CEP295: variants seen among roughly 807,000 people sequenced by gnomAD.
CEP295 encodes centrosomal protein of 295 kDa.
A neutral mutation model predicts 291.6 loss-of-function variants in CEP295; 190 were observed. The observed-to-expected ratio is 0.65, with a 90% CI of 0.58 to 0.73. The LOEUF (loss-of-function observed/expected upper bound fraction) is 0.73. Ranked by LOEUF, CEP295 falls within the 30% of genes least tolerant of loss-of-function variation. The probability of loss-of-function intolerance (pLI) is 0.00; values close to 1 mark genes in which losing one functional copy is unlikely to be tolerated. For missense variants in CEP295, 2,863 were observed against 2,949.4 expected, an observed-to-expected ratio of 0.97 and a Z score of 0.68; for synonymous variants, 993 against 1,038.8, an observed-to-expected ratio of 0.96 and a Z score of 0.85.
At chr11:93,704,416 T>C (rs2135169351) in intron 17 of CEP295, among the ~76,000 whole-genome samples, 1 of 152,166 alleles carries the variant, frequency 6.6e-6, no homozygotes, top group East Asian at 1.9e-4. Context: ...GAGACCAGCC[T>C]GGTGTAATGC....
At position 93,729,776 on chromosome 11, in the gene CEP295, CTATAAG is replaced by C; in HGVS notation, c.7566_7567+4del. ...ATCAAAACAGTTAAAGAGAAACCAT[CTATAAG>C]TATGTTGAATTTTTAAAATCTTCAA... is the stretch of plus-strand genomic sequence containing the variant. On this transcript the variant is annotated splice_donor_variant and coding_sequence_variant, in exon 27 of 30. Coordinates refer to ENST00000325212, the MANE Select transcript of CEP295 (RefSeq NM_033395.2). LOFTEE classifies it high-confidence loss of function. 2 of 1,540,360 alleles carry C rather than the reference CTATAAG, an allele frequency of 1.3e-6. No individual in the cohort carries two copies. The highest frequency in any genetic ancestry group is 8.8e-7 in the Non-Finnish European group (1 of 1,141,896).
chr11:93,729,361 C>CT, intron 25 of CEP295, 73 bp from the exon 26 acceptor site: 1 of 1,038,310 alleles, frequency 9.6e-7, no homozygotes, highest in Non-Finnish European at 1.5e-6. Context: ...CCGCTGCACT[C>CT]TAATCTGACA....
Position 93,691,628 on chromosome 11 carries a change from T to G in CEP295, c.1337-55T>G. Reference sequence around the variant, plus strand: ...TAATACCAGAATTTTGTTATTTTGCTTTAAGTTTGACAATGATTATATATT... The same window carrying G: ...TAATACCAGAATTTTGTTATTTTGCGTTAAGTTTGACAATGATTATATATT... On this transcript the variant is annotated intron_variant, in intron 10 of 29. Coordinates refer to ENST00000325212, the MANE Select transcript of CEP295 (RefSeq NM_033395.2). 3 of 1,210,810 alleles carry G rather than the reference T, an allele frequency of 2.5e-6. No homozygotes were observed. The East Asian group carries it at 7.7e-5, about 31-fold the overall frequency. 75.0% of individuals were successfully genotyped at this position (1,210,810 alleles called of 1,614,324 possible). A position where few individuals can be genotyped will look rare whatever the true frequency, so the allele number is the denominator to read the frequency against.
intron 10 of CEP295, among the ~76,000 whole-genome samples, chr11:93,688,458 C>G (rs1006197911): frequency 6.6e-6 from 1 of 152,124 alleles, no homozygotes; most frequent in African/African-American, 2.4e-5. Context: ...TGTTTTGCTT[C>G]TATGCTTTTG....
rs1950856607 is a variant in CEP295, at chr11:93,679,448, C to T, written c.661C>T (p.Arg221Ter). 1.9e-6 allele frequency: 3 copies of T among 1,550,788 alleles called. No individual in the cohort carries two copies. Among genetic ancestry groups the T allele is most frequent in the Admixed American group, 2.0e-5 (1 of 50,932 alleles). ...ARLAAEEEAK[R>*]LEELQKQAAQ... is the part of the protein sequence containing the mutation. Reference sequence around the variant, plus strand: ...TTTGGCTGCTGAAGAGGAAGCTAAACGATTGGAAGAACTACAAAAACAGGC... The same window carrying T: ...TTTGGCTGCTGAAGAGGAAGCTAAATGATTGGAAGAACTACAAAAACAGGC... Residue 221 changes from arginine (R) to a stop codon, truncating the protein, a stop_gained, in exon 7 of 30, where the codon CGA becomes TGA. Coordinates refer to ENST00000325212, the MANE Select transcript of CEP295 (RefSeq NM_033395.2). LOFTEE classifies it high-confidence loss of function.
chr11:93,723,369 T>C (rs1953895038), intron 21 of CEP295, 80 bp downstream of exon 21: 1 of 1,055,888 alleles, frequency 9.5e-7, no homozygotes, highest in Non-Finnish European at 1.4e-6. Context: ...TTTTATGCAG[T>C]GATTGTTTGA....
chr11:93,663,745 C>G (rs1459715855), intron 1 of CEP295, among the ~76,000 whole-genome samples: 1 of 151,992 alleles, frequency 6.6e-6, no homozygotes, highest in East Asian at 1.9e-4. Flanking sequence ...ATTTTAGGAG[C>G]TTAAAAATAA....
intron 6 of CEP295, 148 bp from the exon 7 acceptor site, chr11:93,679,264 T>C (rs929023724): frequency 1.5e-6 from 1 of 679,616 alleles, no homozygotes; most frequent in Non-Finnish European, 2.4e-6. Flanking sequence ...CATAGGTACA[T>C]GCCGTTGATA....
rs1282105966 is a variant in CEP295, at chr11:93,675,444, A to C, written c.529-127A>C. The C allele has an allele frequency of 2.6e-5, 13 of 492,918 alleles. No individual in the cohort carries two copies. The East Asian group carries it at 4.6e-4, about 17-fold the overall frequency. 30.5% of individuals were successfully genotyped at this position (492,918 alleles called of 1,614,324 possible). On this transcript the variant is annotated intron_variant, in intron 5 of 29. Transcript: ENST00000325212. Reference sequence around the variant, plus strand: ...ACTCAAAAAATTTGATTTCATTATGAGCAGATATTTAGCATGTTTTGGATG... The same window carrying C: ...ACTCAAAAAATTTGATTTCATTATGCGCAGATATTTAGCATGTTTTGGATG...
At chr11:93,716,419 G>A (rs1383001017) in intron 18 of CEP295, among the ~76,000 whole-genome samples, 1 of 152,240 alleles carries the variant, frequency 6.6e-6, no homozygotes, top group African/African-American at 2.4e-5. Context: ...GCCTCTGTCA[G>A]CGATATGAAG....
At chr11:93,696,187 A>G (rs906217219) in intron 13 of CEP295, 133 bp from the exon 14 acceptor site, 2 of 591,854 alleles carry the variant, frequency 3.4e-6, no homozygotes, top group Non-Finnish European at 2.9e-6. Context: ...TTCATTTCTT[A>G]CTAATGGAAA....
rs767057997 is a variant in CEP295, at chr11:93,724,395, C to T, written c.6318+20C>T. 2 of 1,542,074 alleles carry T rather than the reference C, an allele frequency of 1.3e-6. No homozygotes were observed. Among genetic ancestry groups the T allele is most frequent in the Non-Finnish European group, 1.8e-6 (2 of 1,140,468 alleles). On this transcript the variant is annotated intron_variant, in intron 22 of 29. Transcript: ENST00000325212. Reference sequence around the variant, plus strand: ...TACCAGGTATATTAAAGTAGATGTCCCATTGCAGTGAATATCTAAAAATAG... The same window carrying T: ...TACCAGGTATATTAAAGTAGATGTCTCATTGCAGTGAATATCTAAAAATAG...
At chr11:93,692,123 C>G in intron 12 of CEP295, 93 bp downstream of exon 12, 2 of 681,602 alleles carry the variant, frequency 2.9e-6, no homozygotes, top group Admixed American at 6.1e-5. Flanking sequence ...TAATGTCTGG[C>G]TAATTTTGAT....
At chr11:93,666,895 A>G (rs1200471693) in intron 2 of CEP295, 80 bp downstream of exon 2, 2 of 809,108 alleles carry the variant, frequency 2.5e-6, no homozygotes, top group African/African-American at 1.7e-5. Flanking sequence ...AGTGTTCTAA[A>G]TGTTGTATTT....
intron 7 of CEP295, among the ~76,000 whole-genome samples, chr11:93,682,269 G>T (rs1951012499): frequency 1.3e-5 from 2 of 151,950 alleles, no homozygotes. Flanking sequence ...TGTTGCCCAG[G>T]GTAGAGTTCA....
intron 1 of CEP295, among the ~76,000 whole-genome samples, chr11:93,663,165 C>T (rs1199668261): frequency 5.9e-5 from 9 of 152,218 alleles, no homozygotes; most frequent in Non-Finnish European, 1.5e-5. Context: ...TGCACTGAGG[C>T]CATGCTTCCC....
In CEP295 at chr11:93,698,785, C is replaced by T. The variant is rs1591064996; in HGVS notation, c.3873C>T (p.Phe1291=). ...TSSEQTGSSS[F]IPQLVQLSFT... ...CTGAACAAACTGGTTCATCTTCATT[C>T]ATACCCCAGTTGGTACAGCTTTCAT... Residue 1291 remains phenylalanine, a synonymous_variant, in exon 15 of 30, where the codon TTC becomes TTT. Transcript: ENST00000325212. 1 of 1,551,718 alleles carries T rather than the reference C, an allele frequency of 6.4e-7. No individual in the cohort carries two copies. The highest frequency in any genetic ancestry group is 1.7e-4 in the Middle Eastern group (1 of 5,992).
chr11:93,729,581 T>C (rs1164925869), intron 26 of CEP295, 33 bp from the exon 27 acceptor site: 4 of 1,550,090 alleles, frequency 2.6e-6, no homozygotes, highest in Non-Finnish European at 3.5e-6. Context: ...ATACTTTGCC[T>C]ATTTCTGTCA....
At chr11:93,705,343 G>A (rs1952445479) in intron 17 of CEP295, among the ~76,000 whole-genome samples, 1 of 152,148 alleles carries the variant, frequency 6.6e-6, no homozygotes, top group Non-Finnish European at 1.5e-5. Flanking sequence ...TATTAAAACT[G>A]AACGGGGGTA....
Sources: gnomAD v4.1 joint callset for allele counts (sites outside exome capture counted in the v4.1 genomes callset) on GRCh38, gnomAD v4.1.1 for gene constraint, MANE v1.5 for transcripts, NCBI Gene and HGNC (gene_info 2026-07-23, HGNC 2026-07-21) for gene names.